The following GPATCH2L variants were observed in gnomAD, a reference collection of about 807,000 sequenced individuals.
The protein encoded by GPATCH2L is G patch domain-containing protein 2-like.
A neutral mutation model predicts 57.4 loss-of-function variants in GPATCH2L; 31 were observed. That is an observed-to-expected ratio of 0.54 (90% CI 0.41 to 0.73). The LOEUF (loss-of-function observed/expected upper bound fraction) is 0.73. Among genes scored for constraint, GPATCH2L ranks in the 30% least tolerant of loss-of-function variants. The pLI is 0.00. For synonymous variants in GPATCH2L, 199 were observed against 210.7 expected, an observed-to-expected ratio of 0.94 and a Z score of 0.48; for missense variants, 481 against 599.9, an observed-to-expected ratio of 0.80 and a Z score of 2.07.
chr14:76,190,786 T>C (rs1312820864), intron 8 of GPATCH2L, among the ~76,000 whole-genome samples: 1 of 152,124 alleles, frequency 6.6e-6, no homozygotes, highest in Admixed American at 6.6e-5. Context: ...TCAAAATAAA[T>C]ATGTTACTGA....
chr14:76,233,591 C>A (rs2040584772), intron 2 of GPATCH2L, among the ~76,000 whole-genome samples: 1 of 152,152 alleles, frequency 6.6e-6, no homozygotes, highest in South Asian at 2.1e-4. Flanking sequence ...TCTTCTCCCA[C>A]TGTCATAGTG....
intron 9 of GPATCH2L, chr14:76,196,440 T>TTG (rs1232940271): frequency 0.019 from 2,768 of 146,282 alleles, 64 homozygotes; most frequent in African/African-American, 0.085. Flanking sequence ...CTTTTCAGTT[T>TTG]TTTTTTTTTT....
At chr14:76,189,794 G>A (rs1340665890) in intron 8 of GPATCH2L, among the ~76,000 whole-genome samples, 1 of 152,060 alleles carries the variant, frequency 6.6e-6, no homozygotes, top group Non-Finnish European at 1.5e-5. Flanking sequence ...TAGAAGAGAG[G>A]CCTTTCAGTT....
chr14:76,232,702 G>A (rs1684851509), intron 2 of GPATCH2L, among the ~76,000 whole-genome samples: 1 of 152,238 alleles, frequency 6.6e-6, no homozygotes, highest in South Asian at 2.1e-4. Context: ...AATTGGCAGA[G>A]TCCAGGAAGG....
Position 76,206,804 on chromosome 14 carries a change from A to G in GPATCH2L, c.*4953A>G, listed in dbSNP as rs552433153. On this transcript the variant is annotated 3_prime_UTR_variant, in exon 10 of 10. Coordinates refer to ENST00000261530, the MANE Select transcript of GPATCH2L (RefSeq NM_017926.4). Reference sequence around the variant, plus strand: ...CATAGGCTTTGCCACGGTTAAAAAGATGTTTTAATGGACTGGTCTCCTCCT... The same window carrying G: ...CATAGGCTTTGCCACGGTTAAAAAGGTGTTTTAATGGACTGGTCTCCTCCT... 3 of 152,364 alleles carry G rather than the reference A, an allele frequency of 2.0e-5. No homozygotes were observed. Among genetic ancestry groups the G allele is most frequent in the African/African-American group, 7.2e-5 (3 of 41,574 alleles). The allele number at this position is 152,364 out of a possible 1,614,324, so 9.4% of individuals were successfully genotyped here.
At chr14:76,225,076 C>G (rs1277951057) in intron 1 of GPATCH2L, among the ~76,000 whole-genome samples, 1 of 152,072 alleles carries the variant, frequency 6.6e-6, no homozygotes, top group Admixed American at 6.6e-5. Flanking sequence ...AGAGTTAATG[C>G]AATTCCAGTC....
At position 76,154,653 on chromosome 14, in the gene GPATCH2L, A is replaced by T; in HGVS notation, c.290A>T (p.His97Leu). The T allele has an allele frequency of 6.2e-7, 1 of 1,614,190 alleles. No individual in the cohort carries two copies. Among genetic ancestry groups the T allele is most frequent in the Non-Finnish European group, 8.5e-7 (1 of 1,180,030 alleles). Residue 97 changes from histidine to leucine, a missense_variant, in exon 2 of 10, where the codon CAC (histidine) becomes CTC (leucine). This residue lies in a region of GPATCH2L where 208 missense variants were observed against 272.4 expected (regional missense o/e 0.76). Transcript: ENST00000261530. This position sits in a 1 kb window ranked among gnomAD's most constrained non-coding sequence, Gnocchi z 4.4. ...DSDDTMVAKRHPALNAIVKSK... is the reference protein window; with the variant it reads ...DSDDTMVAKRLPALNAIVKSK... ...GATGACACAATGGTAGCCAAACGACACCCAGCTCTCAATGCCATTGTCAAG... is the reference window on the plus strand; with the variant it reads ...GATGACACAATGGTAGCCAAACGACTCCCAGCTCTCAATGCCATTGTCAAG...
At position 76,208,237 on chromosome 14, in the gene GPATCH2L, G is replaced by A. The variant is rs1394857332; in HGVS notation, c.*6386G>A. ...CTCAATCAAATGTTTTTAATTGAAA[G>A]GGGAAAGAAAATATCAGAGAACTTA... On this transcript the variant is annotated 3_prime_UTR_variant, in exon 10 of 10. Coordinates refer to ENST00000261530, the MANE Select transcript of GPATCH2L (RefSeq NM_017926.4). 2 of 152,140 alleles carry A rather than the reference G, an allele frequency of 1.3e-5. No homozygotes were observed. The highest frequency in any genetic ancestry group is 2.9e-5 in the Non-Finnish European group (2 of 68,018). The allele number at this position is 152,140 out of a possible 1,614,324, so 9.4% of individuals were successfully genotyped here.
Position 76,209,242 on chromosome 14 carries a change from C to G in GPATCH2L, c.*7391C>G, listed in dbSNP as rs1046084433. On this transcript the variant is annotated 3_prime_UTR_variant, in exon 10 of 10. Coordinates refer to ENST00000261530, the MANE Select transcript of GPATCH2L (RefSeq NM_017926.4). ...AGTCTAGCACAGACTGGATGCCGGTCTCTGCCGCCACCTCCGTTATTTCAG... is the reference window on the plus strand; with the variant it reads ...AGTCTAGCACAGACTGGATGCCGGTGTCTGCCGCCACCTCCGTTATTTCAG... 3.3e-5 allele frequency: 5 copies of G among 152,284 alleles called. No individual in the cohort carries two copies. The highest frequency in any genetic ancestry group is 2.6e-4 in the Admixed American group (4 of 15,288). 9.4% of individuals were successfully genotyped at this position (152,284 alleles called of 1,614,324 possible).
intron 2 of GPATCH2L, chr14:76,229,954 G>C (rs894271045): frequency 3.3e-5 from 5 of 152,334 alleles, no homozygotes; most frequent in Non-Finnish European, 7.3e-5. Flanking sequence ...CTTTTCCCAG[G>C]TAAGTCCAGT....
At position 76,192,093 on chromosome 14, in the gene GPATCH2L, T is replaced by C. The variant is rs531654135; in HGVS notation, c.1194-3785T>C. 3.3e-5 allele frequency among the ~76,000 whole-genome samples: 5 copies of C among 151,948 alleles called. No homozygotes were observed. The South Asian group carries it at 1.0e-3, about 32-fold the overall frequency. ...ACCTAATGTCCTCTAGTTCCATCCA[T>C]GTTGCTGTGAATGACAGGACTTACT... On this transcript the variant is annotated intron_variant, in intron 8 of 9. Coordinates refer to ENST00000261530, the MANE Select transcript of GPATCH2L (RefSeq NM_017926.4).
intron 9 of GPATCH2L, among the ~76,000 whole-genome samples, chr14:76,198,726 T>C (rs937562234): frequency 1.3e-5 from 2 of 151,970 alleles, no homozygotes; most frequent in African/African-American, 2.4e-5. Context: ...GTCAGTGATA[T>C]GAGAGCGAGA....
intron 2 of GPATCH2L, among the ~76,000 whole-genome samples, chr14:76,231,764 GC>G (rs2040563256): frequency 6.6e-6 from 1 of 151,942 alleles, no homozygotes; most frequent in Non-Finnish European, 1.5e-5. Flanking sequence ...CTCCCAAACA[GC>G]TACTCATTGG....
Position 76,207,742 on chromosome 14 carries a change from A to C in GPATCH2L, c.*5891A>C, listed in dbSNP as rs181411151. 2 of 152,246 alleles carry C rather than the reference A, an allele frequency of 1.3e-5. No homozygotes were observed. Among genetic ancestry groups the C allele is most frequent in the East Asian group, 3.9e-4 (2 of 5,190 alleles). The allele number at this position is 152,246 out of a possible 1,614,324, so 9.4% of individuals were successfully genotyped here. On this transcript the variant is annotated 3_prime_UTR_variant, in exon 10 of 10. Coordinates refer to ENST00000261530, the MANE Select transcript of GPATCH2L (RefSeq NM_017926.4). ...GGGGTTGGAGACCAATAGCGATGTCATGCTTTTTGGTTGTTGTTATTGTCT... is the reference window on the plus strand; with the variant it reads ...GGGGTTGGAGACCAATAGCGATGTCCTGCTTTTTGGTTGTTGTTATTGTCT...
intron 8 of GPATCH2L, among the ~76,000 whole-genome samples, chr14:76,182,009 T>C (rs2139723747): frequency 6.6e-6 from 1 of 152,214 alleles, no homozygotes; most frequent in East Asian, 1.9e-4. Flanking sequence ...GAAGAAGTGG[T>C]ATTTCTGTAT....
rs1040807767 is a variant in GPATCH2L, at chr14:76,212,104, AAG to A, written c.*10257_*10258del. 1 of 152,184 alleles carries A rather than the reference AAG, an allele frequency of 6.6e-6. No individual in the cohort carries two copies. Among genetic ancestry groups the A allele is most frequent in the African/African-American group, 2.4e-5 (1 of 41,450 alleles). 9.4% of individuals were successfully genotyped at this position (152,184 alleles called of 1,614,324 possible). ...TGGGGATCATATGAAAATATGATTA[AAG>A]AGATTATCACTAGAAGAAAAATTCA... On this transcript the variant is annotated 3_prime_UTR_variant, in exon 10 of 10. Transcript: ENST00000261530.
chr14:76,174,217 G>A (rs989952716), intron 5 of GPATCH2L: 10 of 152,390 alleles, frequency 6.6e-5, no homozygotes, highest in African/African-American at 2.2e-4. Context: ...ACTTAGGTTC[G>A]AAGAAGTTAA....
chr14:76,201,143 T>TG (rs2040300354), intron 9 of GPATCH2L, among the ~76,000 whole-genome samples: 1 of 152,216 alleles, frequency 6.6e-6, no homozygotes, highest in Admixed American at 6.5e-5. Flanking sequence ...CCTTGTTGTA[T>TG]GGTATATATT....
chr14:76,158,777 A>G (rs2038430397), intron 2 of GPATCH2L, among the ~76,000 whole-genome samples: 1 of 152,226 alleles, frequency 6.6e-6, no homozygotes, highest in Non-Finnish European at 1.5e-5. Context: ...TCGAATAGCT[A>G]GCATAGTGTG....
Sources: allele counts gnomAD v4.1 joint callset (sites outside exome capture counted in the v4.1 genomes callset), GRCh38; gene constraint gnomAD v4.1.1; regional missense constraint gnomAD v4.1.1; non-coding constraint Gnocchi (gnomAD v3.1); transcripts MANE v1.5; gene names NCBI Gene and HGNC (gene_info 2026-07-23, HGNC 2026-07-21).